Variants in AK5 observed in about 807,000 individuals in gnomAD.
The protein encoded by AK5 is adenylate kinase isoenzyme 5.
AK5 carries 27 observed loss-of-function variants against 69.5 expected under a neutral mutation model. The observed-to-expected ratio is 0.39, with a 90% CI of 0.29 to 0.54. The LOEUF is 0.54. Ranked by LOEUF, AK5 falls within the 20% of genes least tolerant of loss-of-function variation. AK5 has a pLI of 0.71. For missense variants in AK5, 531 were observed against 700.4 expected (o/e 0.76, Z 2.73); for synonymous variants, 260 against 244.4 (o/e 1.06, Z -0.60).
At chr1:77,531,988 ATCCG>A (rs1658641987) in intron 12 of AK5, 1 of 81,306 alleles carries the variant, frequency 1.2e-5, no homozygotes, top group Admixed American at 1.6e-4. Flanking sequence ...GCCTGCGGCC[ATCCG>A]GCCGGCCGGC....
At chr1:77,318,079 G>T (rs766402383) in intron 5 of AK5, among the ~76,000 whole-genome samples, 3 of 152,246 alleles carry the variant, frequency 2.0e-5, no homozygotes, top group Middle Eastern at 3.4e-3. Flanking sequence ...AATTGTATTA[G>T]TTCATTCTCA....
intron 6 of AK5, among the ~76,000 whole-genome samples, chr1:77,374,665 T>A: frequency 6.6e-6 from 1 of 151,962 alleles, no homozygotes; most frequent in East Asian, 1.9e-4. Flanking sequence ...ACACAAAATG[T>A]AAAAATTTAG....
chr1:77,291,544 C>G (rs527817387), intron 2 of AK5, among the ~76,000 whole-genome samples: 2 of 152,228 alleles, frequency 1.3e-5, no homozygotes, highest in East Asian at 1.9e-4. Flanking sequence ...AAAGCTAAAC[C>G]CTTTACCATG....
intron 6 of AK5, among the ~76,000 whole-genome samples, chr1:77,396,644 A>C (rs932454207): frequency 1.9e-4 from 29 of 152,218 alleles, no homozygotes; most frequent in African/African-American, 6.8e-4. Context: ...CCTCAAGCTA[A>C]AAATAGGAAG....
intron 5 of AK5, among the ~76,000 whole-genome samples, chr1:77,300,168 C>T (rs914246186): frequency 2.6e-5 from 4 of 152,104 alleles, no homozygotes; most frequent in Non-Finnish European, 5.9e-5. Context: ...AAAGCATAAC[C>T]CTCTGGTAAC....
chr1:77,421,839 AC>A (rs1650835831), intron 8 of AK5, among the ~76,000 whole-genome samples: 1 of 152,138 alleles, frequency 6.6e-6, no homozygotes, highest in South Asian at 2.1e-4. Context: ...CAGCATACTG[AC>A]CATGGCCCCT....
chr1:77,529,471 C>G (rs1018707005), intron 12 of AK5, among the ~76,000 whole-genome samples: 11 of 151,890 alleles, frequency 7.2e-5, no homozygotes, highest in African/African-American at 2.7e-4. Flanking sequence ...ATTACAGGTG[C>G]CCACCACCAC....
At position 77,518,564 on chromosome 1, in the gene AK5, G is replaced by A; in HGVS notation, c.1148G>A (p.Gly383Asp). 6.2e-7 allele frequency: 1 copy of A among 1,613,594 alleles called. No individual in the cohort carries two copies. Among genetic ancestry groups the A allele is most frequent in the Non-Finnish European group, 8.5e-7 (1 of 1,179,742 alleles). Residue 383 changes from glycine to aspartate, a missense_variant and splice_region_variant, in exon 11 of 14, where the codon GGT becomes GAT. Physicochemically the swap from Gly to Asp is moderately conservative, Grantham distance 94. Transcript: ENST00000354567. ...GTCTGACACATGACTTCTTTTCAAG[G>A]TGGTCCTGGCTCTGGCAAAGGCACA... ...LRKCKIIFIIGGPGSGKGTQC... is the reference protein window; with the variant it reads ...LRKCKIIFIIDGPGSGKGTQC...
chr1:77,367,568 T>TG lies in AK5; in HGVS notation c.891+27000_891+27001insG, dbSNP rs1254149724. Among the ~76,000 whole-genome samples, 45 of 8,320 alleles carry TG rather than the reference T, an allele frequency of 5.4e-3. 8 individuals are homozygous for TG. Among genetic ancestry groups the TG allele is most frequent in the Admixed American group, 0.017 (6 of 352 alleles). 5.5% of individuals were successfully genotyped at this position (8,320 alleles called of 152,430 possible). ...CATTTATGTTATTTTTATATATATA[T>TG]ATATATATATAATATATATGTTATA... On this transcript the variant is annotated intron_variant, in intron 6 of 13. Transcript: ENST00000354567.
At chr1:77,541,722 C>T (rs1166961182) in intron 13 of AK5, among the ~76,000 whole-genome samples, 7 of 151,982 alleles carry the variant, frequency 4.6e-5, no homozygotes, top group African/African-American at 1.2e-4. Context: ...TCACAAACAC[C>T]GTTTCCTTCT....
intron 6 of AK5, among the ~76,000 whole-genome samples, chr1:77,344,976 A>G (rs1224622084): frequency 3.0e-5 from 4 of 132,560 alleles, no homozygotes; most frequent in Non-Finnish European, 6.4e-5. Context: ...TTAAAGAAAA[A>G]GGTCTTCTTA....
intron 6 of AK5, among the ~76,000 whole-genome samples, chr1:77,343,300 C>A (rs2100390173): frequency 6.6e-6 from 1 of 152,220 alleles, no homozygotes; most frequent in Non-Finnish European, 1.5e-5. Context: ...CTGTTTAGTC[C>A]AGTTGAGAAA....
chr1:77,354,563 G>C (rs951504160), intron 6 of AK5, among the ~76,000 whole-genome samples: 10 of 152,196 alleles, frequency 6.6e-5, no homozygotes, highest in Non-Finnish European at 1.2e-4. Flanking sequence ...TTAACTTAAT[G>C]CATACATTAA....
intron 5 of AK5, among the ~76,000 whole-genome samples, chr1:77,339,160 T>A (rs534849380): frequency 2.0e-5 from 3 of 152,392 alleles, no homozygotes; most frequent in Admixed American, 2.0e-4. Flanking sequence ...TAGTAATACA[T>A]GCATATCATA....
intron 5 of AK5, among the ~76,000 whole-genome samples, chr1:77,325,366 C>T (rs1660749339): frequency 6.6e-6 from 1 of 152,074 alleles, no homozygotes; most frequent in Non-Finnish European, 1.5e-5. Context: ...TAAAATCTCA[C>T]TAATGACTGA....
At chr1:77,377,308 A>G (rs1294362940) in intron 6 of AK5, among the ~76,000 whole-genome samples, 1 of 152,222 alleles carries the variant, frequency 6.6e-6, no homozygotes, top group East Asian at 1.9e-4. Context: ...CTTCTTTCCT[A>G]TGTCCCTTAC....
chr1:77,342,194 C>T (rs1399470129), intron 6 of AK5, among the ~76,000 whole-genome samples: 3 of 152,038 alleles, frequency 2.0e-5, no homozygotes, highest in Non-Finnish European at 4.4e-5. Flanking sequence ...TTGTTTTTCT[C>T]ACCAGTTACC....
rs767219581 is a variant in AK5 at position 77,286,927 on chromosome 1, TTGTTA to T, written c.61-12_61-8del. 7.3e-7 allele frequency: 1 copy of T among 1,374,684 alleles called. No individual in the cohort carries two copies. Among genetic ancestry groups the T allele is most frequent in the Non-Finnish European group, 9.5e-7 (1 of 1,053,614 alleles). 85.2% of individuals were successfully genotyped at this position (1,374,684 alleles called of 1,614,324 possible). On this transcript the variant is annotated splice_polypyrimidine_tract_variant and intron_variant, in intron 1 of 13. Transcript: ENST00000354567. Reference sequence around the variant, plus strand: ...AAAAGATATTTTATTTGTACATATTTTGTTATATTTCAGAGCCTTTTGAATGGACT... The same window carrying T: ...AAAAGATATTTTATTTGTACATATTTTATTTCAGAGCCTTTTGAATGGACT...
At chr1:77,316,570 G>A (rs780550396) in intron 5 of AK5, among the ~76,000 whole-genome samples, 1 of 152,098 alleles carries the variant, frequency 6.6e-6, no homozygotes, top group Non-Finnish European at 1.5e-5. Flanking sequence ...CTCATAATTT[G>A]ATTTGCTGTG....
Sources: allele counts gnomAD v4.1 joint callset (sites outside exome capture counted in the v4.1 genomes callset), GRCh38; gene constraint gnomAD v4.1.1; transcripts MANE v1.5; gene names NCBI Gene and HGNC (gene_info 2026-07-23, HGNC 2026-07-21).